The following COX10 variants were observed in gnomAD, a reference collection of about 807,000 sequenced individuals.
COX10 encodes cytochrome c oxidase assembly factor heme A:farnesyltransferase COX10.
A neutral mutation model predicts 37.3 loss-of-function variants in COX10; 27 were observed. The observed-to-expected ratio is 0.72, with a 90% CI of 0.53 to 1.00. The LOEUF (loss-of-function observed/expected upper bound fraction) is 1.00, where lower values mean the gene tolerates loss of function less well. COX10 is among the 50% of genes least tolerant of loss of function. COX10 has a pLI of 0.00. For synonymous variants in COX10, 222 were observed against 229.1 expected, an observed-to-expected ratio of 0.97 and a Z score of 0.28; for missense variants, 475 against 563.2, an observed-to-expected ratio of 0.84 and a Z score of 1.59.
chr17:14,165,990 G>A (rs947297888), intron 5 of COX10, among the ~76,000 whole-genome samples: 2 of 152,228 alleles, frequency 1.3e-5, no homozygotes, highest in Non-Finnish European at 2.9e-5. Context: ...CAGAAGAAAA[G>A]TTTGAAGCTG....
chr17:14,169,740 C>T (rs1905401578), intron 5 of COX10, among the ~76,000 whole-genome samples: 1 of 152,200 alleles, frequency 6.6e-6, no homozygotes, highest in South Asian at 2.1e-4. Context: ...GCATATGTTA[C>T]ATATTAGGGA....
chr17:14,191,825 T>A (rs1906209886), intron 5 of COX10, among the ~76,000 whole-genome samples, 164 bp from the exon 6 acceptor site: 1 of 152,202 alleles, frequency 6.6e-6, no homozygotes, highest in African/African-American at 2.4e-5. Flanking sequence ...TTTCTTATTA[T>A]AAGTTTGTTT....
At chr17:14,074,537 T>C (rs1032236193) in intron 2 of COX10, 81 bp downstream of exon 2, 7 of 1,334,980 alleles carry the variant, frequency 5.2e-6, no homozygotes, top group African/African-American at 1.4e-5. Context: ...CCTATTTAAT[T>C]AAAGTTTTAA....
At chr17:14,202,084 ATC>A (rs58971576) in intron 6 of COX10, among the ~76,000 whole-genome samples, 5 of 135,328 alleles carry the variant, frequency 3.7e-5, no homozygotes, top group African/African-American at 5.2e-5. Flanking sequence ...ATTAAAACAG[ATC>A]TCTCTCTTTT....
chr17:14,181,258 A>C (rs1173902321), intron 5 of COX10, among the ~76,000 whole-genome samples: 2 of 152,214 alleles, frequency 1.3e-5, no homozygotes, highest in African/African-American at 4.8e-5. Context: ...AGACACGTTC[A>C]CAGAATAGAT....
intron 4 of COX10, among the ~76,000 whole-genome samples, chr17:14,159,175 C>T (rs1905119786): frequency 2.0e-5 from 3 of 152,256 alleles, no homozygotes; most frequent in Middle Eastern, 3.4e-3. Context: ...TAAATTAGAA[C>T]TATCCTGGGC....
At position 14,208,111 on chromosome 17, in the gene COX10, G is replaced by A. The variant is rs1195941102; in HGVS notation, c.*898G>A. 2.0e-5 allele frequency: 3 copies of A among 152,212 alleles called. No individual in the cohort carries two copies. Among genetic ancestry groups the A allele is most frequent in the African/African-American group, 7.2e-5 (3 of 41,422 alleles). The allele number at this position is 152,212 out of a possible 1,614,324, so 9.4% of individuals were successfully genotyped here. ...GGAAGTTAGGAAGAAGGGTGTGCTG[G>A]GCTAACCAGCCCACAGAGCTCACAT... On this transcript the variant is annotated 3_prime_UTR_variant, in exon 7 of 7. Coordinates refer to ENST00000261643, the MANE Select transcript of COX10 (RefSeq NM_001303.4).
chr17:14,143,656 T>C (rs1361113769), intron 4 of COX10, among the ~76,000 whole-genome samples: 4 of 152,174 alleles, frequency 2.6e-5, no homozygotes, highest in Non-Finnish European at 5.9e-5. Flanking sequence ...AAACAAACTG[T>C]AATCTTAGAG....
intron 4 of COX10, among the ~76,000 whole-genome samples, chr17:14,108,648 T>C (rs1915948162): frequency 7.2e-6 from 1 of 139,536 alleles, no homozygotes; most frequent in Non-Finnish European, 1.5e-5. Flanking sequence ...CTGACAATAT[T>C]TGAGAGACAT....
chr17:14,174,217 TAGGAGGCCGAAGC>T (rs1218624006), intron 5 of COX10, among the ~76,000 whole-genome samples: 1 of 151,992 alleles, frequency 6.6e-6, no homozygotes, highest in Non-Finnish European at 1.5e-5. Context: ...CCTAGCCCTT[TAGGAGGCCGAAGC>T]AGGAGGACTG....
At chr17:14,087,172 C>T (rs1352452313) in intron 3 of COX10, among the ~76,000 whole-genome samples, 1 of 152,234 alleles carries the variant, frequency 6.6e-6, no homozygotes, top group East Asian at 1.9e-4. Context: ...AGGTGGCTGA[C>T]AGTCTCTGTC....
At chr17:14,203,046 T>C (rs1219623051) in intron 6 of COX10, among the ~76,000 whole-genome samples, 1 of 152,202 alleles carries the variant, frequency 6.6e-6, no homozygotes, top group African/African-American at 2.4e-5. Context: ...TACTTGTGTT[T>C]ATGTCCATCT....
At chr17:14,083,721 A>G (rs1014903540) in intron 3 of COX10, among the ~76,000 whole-genome samples, 2 of 152,250 alleles carry the variant, frequency 1.3e-5, no homozygotes, top group Non-Finnish European at 2.9e-5. Context: ...GACTGAGATT[A>G]TAAAAAAGGA....
At chr17:14,174,901 A>G (rs1905609661) in intron 5 of COX10, among the ~76,000 whole-genome samples, 1 of 150,266 alleles carries the variant, frequency 6.7e-6, no homozygotes, top group Non-Finnish European at 1.5e-5. Flanking sequence ...CTGAAATACT[A>G]CTCAGAAATT....
In COX10 at chr17:14,207,176, C is replaced by T. The variant is rs573201186; in HGVS notation, c.1295C>T (p.Pro432Leu). 27 of 1,606,438 alleles carry T rather than the reference C, an allele frequency of 1.7e-5. No homozygotes were observed. In the Middle Eastern group the frequency reaches 8.3e-4, roughly 49 times the overall value. Residue 432 changes from proline (P) to leucine (L), a missense_variant, in exon 7 of 7, where the codon CCG (proline) becomes CTG (leucine). By Grantham distance (98) the Pro-to-Leu change is moderately conservative. This residue lies in a region of COX10 where 160 missense variants were observed against 180.6 expected (regional missense o/e 0.89). Coordinates refer to ENST00000261643, the MANE Select transcript of COX10 (RefSeq NM_001303.4). Reference protein sequence around the residue: ...LLLLMLTCKRPSGGGDAGPPP... With the variant: ...LLLLMLTCKRLSGGGDAGPPP... Reference sequence around the variant, plus strand: ...CTGCTCATGCTCACCTGCAAGCGGCCGAGCGGAGGCGGGGACGCAGGGCCC... The same window carrying T: ...CTGCTCATGCTCACCTGCAAGCGGCTGAGCGGAGGCGGGGACGCAGGGCCC...
chr17:14,184,194 G>A (rs1489572241), intron 5 of COX10, among the ~76,000 whole-genome samples: 1 of 152,122 alleles, frequency 6.6e-6, no homozygotes, highest in Non-Finnish European at 1.5e-5. Flanking sequence ...ACCTAAGCAA[G>A]TTTGACTTGA....
intron 5 of COX10, among the ~76,000 whole-genome samples, chr17:14,165,290 C>T (rs1488237239): frequency 6.6e-6 from 1 of 152,142 alleles, no homozygotes; most frequent in Non-Finnish European, 1.5e-5. Context: ...CTGCAGCAAA[C>T]AAGTCTGTTG....
At chr17:14,127,931 G>A (rs1916381157) in intron 4 of COX10, among the ~76,000 whole-genome samples, 1 of 82,714 alleles carries the variant, frequency 1.2e-5, no homozygotes, top group Non-Finnish European at 2.8e-5. Flanking sequence ...GTGTGTATGT[G>A]TGTGTGTGTG....
intron 4 of COX10, among the ~76,000 whole-genome samples, chr17:14,155,329 TA>T (rs11315138): frequency 0.36 from 51,886 of 144,200 alleles, 9,410 homozygotes; most frequent in African/African-American, 0.46. Flanking sequence ...AACATCTACA[TA>T]AAAAAAAAAA....
Sources: allele counts gnomAD v4.1 joint callset (sites outside exome capture counted in the v4.1 genomes callset), GRCh38; gene constraint gnomAD v4.1.1; regional missense constraint gnomAD v4.1.1; transcripts MANE v1.5; gene names NCBI Gene and HGNC (gene_info 2026-07-23, HGNC 2026-07-21).